HSD17B2: variants seen among roughly 807,000 people sequenced by gnomAD.
The protein encoded by HSD17B2 is 17-beta-hydroxysteroid dehydrogenase type 2.
In HSD17B2, 32 loss-of-function variants were observed where a neutral mutation model predicts 26.9. The ratio of observed to expected loss-of-function variants is 1.19; its 90% CI spans 0.90 to 1.60. The LOEUF is 1.60. HSD17B2 is among the 40% of genes most tolerant of loss of function. The pLI, the probability that HSD17B2 is intolerant of heterozygous loss-of-function variation, is 0.00. For synonymous variants in HSD17B2, 246 were observed against 186.7 expected (o/e 1.32, Z -2.59); for missense variants, 613 against 468.6 (o/e 1.31, Z -2.85).
intron 2 of HSD17B2, among the ~76,000 whole-genome samples, chr16:82,069,710 T>C (rs924344444): frequency 7.2e-5 from 11 of 152,204 alleles, no homozygotes; most frequent in African/African-American, 2.4e-4. Flanking sequence ...ATTAGAATCA[T>C]TTGAAAATTA....
chr16:82,042,340 C>T (rs1020965490), intron 1 of HSD17B2, among the ~76,000 whole-genome samples: 3 of 152,018 alleles, frequency 2.0e-5, no homozygotes, highest in African/African-American at 4.8e-5. Context: ...TGAGCCACCA[C>T]GCCCAGCCTC....
intron 3 of HSD17B2, chr16:82,071,529 C>T (rs1914698407): frequency 1.6e-5 from 5 of 311,342 alleles, no homozygotes; most frequent in South Asian, 8.9e-5. Flanking sequence ...TAGGCAATAC[C>T]TTCCCTCTGT....
chr16:82,047,701 A>C (rs562559428), intron 1 of HSD17B2, among the ~76,000 whole-genome samples: 15 of 152,340 alleles, frequency 9.8e-5, no homozygotes, highest in Admixed American at 7.8e-4. Context: ...TATTGGACCT[A>C]GGCAGAGAAG....
intron 4 of HSD17B2, chr16:82,092,874 C>CTGGCAG (rs1295690482): frequency 1.3e-5 from 2 of 152,182 alleles, no homozygotes; most frequent in Non-Finnish European, 2.9e-5. Flanking sequence ...GATTTTGAAT[C>CTGGCAG]TGGCAGGAGG....
intron 1 of HSD17B2, 80 bp from the exon 2 acceptor site, chr16:82,068,090 C>T (rs547427311): frequency 3.9e-5 from 47 of 1,220,254 alleles, no homozygotes; most frequent in African/African-American, 3.4e-4. Flanking sequence ...TCGTAAACAA[C>T]GTAATATGTT....
At position 82,082,311 on chromosome 16, in the gene HSD17B2, C is replaced by T. The variant is rs748263071; in HGVS notation, c.665-8591C>T. 3.5e-4 allele frequency among the ~76,000 whole-genome samples: 53 copies of T among 152,088 alleles called. No individual in the cohort carries two copies. In the Middle Eastern group the frequency reaches 0.01, roughly 29 times the overall value. On this transcript the variant is annotated intron_variant, in intron 3 of 4. Coordinates refer to ENST00000199936, the MANE Select transcript of HSD17B2 (RefSeq NM_002153.3). ...GTGCCTCTCATTTGGGCAGAGGTAG[C>T]CAGAGTTGGAATGTACACATTGCTT... is the stretch of plus-strand genomic sequence containing the variant.
chr16:82,054,208 G>GAA (rs74264895), intron 1 of HSD17B2, among the ~76,000 whole-genome samples: 7 of 85,698 alleles, frequency 8.2e-5, no homozygotes, highest in Non-Finnish European at 1.3e-4. Flanking sequence ...CCCACATATC[G>GAA]AAAAAAAAAA....
At chr16:82,045,327 T>C (rs1913892919) in intron 1 of HSD17B2, among the ~76,000 whole-genome samples, 1 of 152,050 alleles carries the variant, frequency 6.6e-6, no homozygotes, top group Non-Finnish European at 1.5e-5. Flanking sequence ...AGATATACAG[T>C]ATCTAAATGA....
chr16:82,044,467 GC>G (rs1232921328), intron 1 of HSD17B2: 2 of 152,332 alleles, frequency 1.3e-5, no homozygotes, highest in African/African-American at 4.8e-5. Flanking sequence ...GGGCTGGGCA[GC>G]TGGGCTTAGC....
At chr16:82,046,976 G>C (rs898452851) in intron 1 of HSD17B2, among the ~76,000 whole-genome samples, 1 of 152,216 alleles carries the variant, frequency 6.6e-6, no homozygotes, top group Non-Finnish European at 1.5e-5. Flanking sequence ...GAGGGAAAGG[G>C]GTATTGGCTG....
chr16:82,083,281 A>G (rs889605246), intron 3 of HSD17B2, among the ~76,000 whole-genome samples: 1 of 152,050 alleles, frequency 6.6e-6, no homozygotes. Flanking sequence ...CTTCCCTCCT[A>G]CATCTTCCAT....
At chr16:82,065,222 G>A (rs557127260) in intron 1 of HSD17B2, among the ~76,000 whole-genome samples, 87 of 152,334 alleles carry the variant, frequency 5.7e-4, no homozygotes, top group African/African-American at 2.1e-3. Flanking sequence ...GCAGATGATG[G>A]ACTTCAGGTT....
chr16:82,077,844 C>G (rs531076433), intron 3 of HSD17B2, among the ~76,000 whole-genome samples: 1 of 151,948 alleles, frequency 6.6e-6, no homozygotes, highest in African/African-American at 2.4e-5. Context: ...ATACCATATG[C>G]AGAAGGATGA....
intron 1 of HSD17B2, among the ~76,000 whole-genome samples, chr16:82,041,232 G>A (rs1913757516): frequency 6.6e-6 from 1 of 152,148 alleles, no homozygotes; most frequent in Non-Finnish European, 1.5e-5. Flanking sequence ...AGCACGTTAG[G>A]CCTAACACAG....
At chr16:82,049,429 T>A (rs1487736582) in intron 1 of HSD17B2, among the ~76,000 whole-genome samples, 4 of 152,210 alleles carry the variant, frequency 2.6e-5, no homozygotes, top group Non-Finnish European at 1.5e-5. Context: ...AAGTGCCAGG[T>A]ACAAAGCAAG....
intron 3 of HSD17B2, among the ~76,000 whole-genome samples, chr16:82,084,007 T>C (rs2142361382): frequency 6.6e-6 from 1 of 152,314 alleles, no homozygotes; most frequent in Admixed American, 6.5e-5. Flanking sequence ...TCAGAAATGT[T>C]CGCATAAACA....
At chr16:82,064,629 A>T (rs191177561) in intron 1 of HSD17B2, among the ~76,000 whole-genome samples, 157 of 152,338 alleles carry the variant, frequency 1.0e-3, no homozygotes, top group Middle Eastern at 3.4e-3. Flanking sequence ...AGTGAAAAAG[A>T]TGTTCAGGAA....
At chr16:82,094,697 G>A (rs1167627572) in intron 4 of HSD17B2, 1 of 152,288 alleles carries the variant, frequency 6.6e-6, no homozygotes, top group South Asian at 2.1e-4. Context: ...AATCTTCAGG[G>A]ACACAGACAA....
At chr16:82,039,451 G>A (rs1036390679) in intron 1 of HSD17B2, among the ~76,000 whole-genome samples, 10 of 151,806 alleles carry the variant, frequency 6.6e-5, no homozygotes, top group Admixed American at 3.9e-4. Context: ...AAAAGAAAAC[G>A]TTGACAAACA....
Sources: gnomAD v4.1 joint callset for allele counts (sites outside exome capture counted in the v4.1 genomes callset) on GRCh38, gnomAD v4.1.1 for gene constraint, MANE v1.5 for transcripts, NCBI Gene and HGNC (gene_info 2026-07-23, HGNC 2026-07-21) for gene names.